The following PHF21B variants were observed in gnomAD, a reference collection of about 807,000 sequenced individuals.
PHF21B encodes the protein PHD finger protein 21B, also known as PHD finger protein 4.
In PHF21B, 22 loss-of-function variants were observed where a neutral mutation model predicts 62.2. That is an observed-to-expected ratio of 0.35 (90% CI 0.25 to 0.51). PHF21B has a LOEUF of 0.51. Ranked by LOEUF, PHF21B falls within the 20% of genes least tolerant of loss-of-function variation. The pLI is 0.97. For missense variants in PHF21B, 701 were observed against 707.9 expected (o/e 0.99, Z 0.11); for synonymous variants, 341 against 314.7 (o/e 1.08, Z -0.88).
intron 2 of PHF21B, among the ~76,000 whole-genome samples, chr22:44,953,104 C>G (rs2072225838): frequency 6.6e-6 from 1 of 152,202 alleles, no homozygotes; most frequent in Admixed American, 6.5e-5. Flanking sequence ...CTTCCTCTCT[C>G]TGAGGCCCAG....
At chr22:44,968,017 G>A (rs1404399870) in intron 2 of PHF21B, among the ~76,000 whole-genome samples, 1 of 152,088 alleles carries the variant, frequency 6.6e-6, no homozygotes, top group African/African-American at 2.4e-5. Context: ...GCATCTTGTC[G>A]ACCTGGCTTG....
chr22:44,940,545 G>A (rs559688727), intron 2 of PHF21B, among the ~76,000 whole-genome samples: 15 of 152,262 alleles, frequency 9.9e-5, no homozygotes, highest in Non-Finnish European at 1.3e-4. Flanking sequence ...GGGGCTGAAG[G>A]AGGCCGCCTG....
In PHF21B at chr22:44,930,651, G is replaced by A. The variant is rs562931053; in HGVS notation, c.121-10161C>T. Among the ~76,000 whole-genome samples, 121 of 152,328 alleles carry A rather than the reference G, an allele frequency of 7.9e-4. 2 individuals are homozygous for A. Among genetic ancestry groups the A allele is most frequent in the Admixed American group, 2.4e-3 (36 of 15,306 alleles). Reference sequence around the variant, plus strand: ...CAGCTCCCAAAGGTGGACAGTGAAGGAGGAGAGGAGGGGCCTGCCACCAGG... The same window carrying A: ...CAGCTCCCAAAGGTGGACAGTGAAGAAGGAGAGGAGGGGCCTGCCACCAGG... On this transcript the variant is annotated intron_variant, in intron 2 of 12. Coordinates refer to ENST00000313237, the MANE Select transcript of PHF21B (RefSeq NM_138415.5).
chr22:44,954,801 G>A (rs1051735892), intron 2 of PHF21B, among the ~76,000 whole-genome samples: 2 of 152,212 alleles, frequency 1.3e-5, no homozygotes, highest in Non-Finnish European at 1.5e-5. Flanking sequence ...GAATTTAACC[G>A]AGGAGTGGTC....
chr22:44,888,235 GC>G, intron 9 of PHF21B, 114 bp from the exon 10 acceptor site: 1 of 1,191,544 alleles, frequency 8.4e-7, no homozygotes, highest in Non-Finnish European at 1.1e-6. Context: ...CCGCTCTTCT[GC>G]CAACGTTTCC....
chr22:44,946,503 T>G (rs533195106), intron 2 of PHF21B, among the ~76,000 whole-genome samples: 1 of 152,070 alleles, frequency 6.6e-6, no homozygotes, highest in African/African-American at 2.4e-5. Context: ...CCTGTTATTA[T>G]GGATGGATGA....
At chr22:44,916,670 A>G (rs367790328) in intron 3 of PHF21B, 40 bp from the exon 4 acceptor site, 22 of 1,579,500 alleles carry the variant, frequency 1.4e-5, no homozygotes, top group Non-Finnish European at 1.7e-5. Context: ...ACAGGCAGAC[A>G]CACAGGAGTG....
intron 2 of PHF21B, among the ~76,000 whole-genome samples, chr22:44,975,022 T>A (rs1477625362): frequency 2.0e-5 from 3 of 152,124 alleles, no homozygotes; most frequent in Admixed American, 2.0e-4. Flanking sequence ...TCGGTCTCTG[T>A]CTCTCCTCCA....
Position 45,009,124 on chromosome 22 carries a change from CG to C in PHF21B, c.54+371del. The C allele has an allele frequency of 2.5e-6, 2 of 803,640 alleles. No homozygotes were observed. Among genetic ancestry groups the C allele is most frequent in the Non-Finnish European group, 1.6e-6 (1 of 616,408 alleles). The allele number at this position is 803,640 out of a possible 1,614,324, so 49.8% of individuals were successfully genotyped here. ...CTTCTGCACACCGGGCAGGTTCGCC[CG>C]GGGCGCGGGGGCCCGAGGGGAGGCC... On this transcript the variant is annotated intron_variant, in intron 1 of 12. Transcript: ENST00000313237. This position sits in a 1 kb window ranked among gnomAD's most constrained non-coding sequence, Gnocchi z 5.9.
chr22:44,947,830 C>T lies in PHF21B; in HGVS notation c.121-27340G>A, dbSNP rs74531487. Among the ~76,000 whole-genome samples, 1,006 of 152,180 alleles carry T rather than the reference C, an allele frequency of 6.6e-3. 6 individuals carry two copies. Among genetic ancestry groups the T allele is most frequent in the Middle Eastern group, 0.01 (3 of 294 alleles). On this transcript the variant is annotated intron_variant, in intron 2 of 12. Coordinates refer to ENST00000313237, the MANE Select transcript of PHF21B (RefSeq NM_138415.5). The stretch of plus-strand genomic sequence containing the variant: ...CACTTCGGCTCTGCTTGGTGTGCTT[C>T]CTTTTCTTTTTTACTTATCCAGATA...
chr22:44,885,274 G>A (rs1291184820), intron 12 of PHF21B, 152 bp downstream of exon 12: 7 of 664,428 alleles, frequency 1.1e-5, no homozygotes, highest in Non-Finnish European at 1.7e-5. Context: ...TGAATGACAC[G>A]CCTGCCTGTC....
Position 45,008,618 on chromosome 22 carries a change from AAC to A in PHF21B, c.55-10_55-9del, listed in dbSNP as rs1339514078. On this transcript the variant is annotated splice_polypyrimidine_tract_variant and intron_variant, in intron 1 of 12. Transcript: ENST00000313237. ...CTTCTTGAGGTCGCCGTTCTGCGGA[AAC>A]ACGGAGGAGCGGGCTCAGGCAGGCC... The A allele has an allele frequency of 6.3e-7, 1 of 1,580,932 alleles. No individual in the cohort carries two copies. Among genetic ancestry groups the A allele is most frequent in the Non-Finnish European group, 8.6e-7 (1 of 1,164,158 alleles).
intron 2 of PHF21B, among the ~76,000 whole-genome samples, chr22:44,922,504 T>C (rs2071555246): frequency 6.6e-6 from 1 of 152,154 alleles, no homozygotes; most frequent in African/African-American, 2.4e-5. Flanking sequence ...TGATGGCACA[T>C]GCCTCTAATC....
At chr22:44,980,946 C>T (rs1399242843) in intron 2 of PHF21B, among the ~76,000 whole-genome samples, 1 of 152,222 alleles carries the variant, frequency 6.6e-6, no homozygotes. Flanking sequence ...TACATTTAGA[C>T]TTGCTAATCA....
intron 2 of PHF21B, among the ~76,000 whole-genome samples, chr22:44,921,612 C>A (rs1171512501): frequency 3.3e-5 from 5 of 151,970 alleles, no homozygotes; most frequent in African/African-American, 1.2e-4. Context: ...TGATCCACCC[C>A]CCGCCTCGGC....
chr22:44,976,268 A>C (rs2072736850), intron 2 of PHF21B, among the ~76,000 whole-genome samples: 1 of 152,226 alleles, frequency 6.6e-6, no homozygotes, highest in South Asian at 2.1e-4. Context: ...CATCAAATCA[A>C]GGTATTTAGC....
intron 12 of PHF21B, among the ~76,000 whole-genome samples, chr22:44,885,065 T>C (rs978131366): frequency 5.9e-5 from 9 of 152,248 alleles, no homozygotes; most frequent in African/African-American, 2.2e-4. Flanking sequence ...TAAATATTTG[T>C]TGAATGAGTC....
chr22:45,008,116 A>G (rs2073359795), intron 2 of PHF21B: 1 of 155,478 alleles, frequency 6.4e-6, no homozygotes, highest in Non-Finnish European at 1.4e-5. Flanking sequence ...GCCTCGAGGA[A>G]CGATTTCAAA....
chr22:44,899,345 CA>C (rs1471283697), intron 5 of PHF21B, among the ~76,000 whole-genome samples: 2 of 134,318 alleles, frequency 1.5e-5, no homozygotes, highest in Admixed American at 1.7e-4. Flanking sequence ...GCCTGGAGTG[CA>C]GTGGCATGAT....
Sources: gnomAD v4.1 joint callset for allele counts (sites outside exome capture counted in the v4.1 genomes callset) on GRCh38, gnomAD v4.1.1 for gene constraint, Gnocchi (gnomAD v3.1) non-coding constraint, MANE v1.5 for transcripts, NCBI Gene and HGNC (gene_info 2026-07-23, HGNC 2026-07-21) for gene names.